MCPH1: variants seen among roughly 807,000 people sequenced by gnomAD.
MCPH1 encodes microcephalin 1, also known as microcephalin.
MCPH1 carries 104 observed loss-of-function variants against 84.5 expected under a neutral mutation model. The ratio of observed to expected loss-of-function variants is 1.23; its 90% CI spans 1.05 to 1.45. The LOEUF is 1.45. Ranked by LOEUF, MCPH1 falls within the 40% of genes most tolerant of loss-of-function variation. The pLI is 0.00. For missense variants in MCPH1, 1,498 were observed against 1,005.7 expected (o/e 1.49, Z -6.62); for synonymous variants, 514 against 366.8 (o/e 1.40, Z -4.58).
intron 9 of MCPH1, chr8:6,474,257 C>T (rs1808143995): frequency 3.4e-6 from 2 of 580,266 alleles, no homozygotes; most frequent in Admixed American, 2.6e-5. Flanking sequence ...AGCTAAATCA[C>T]CCACATTAAT....
Position 6,630,327 on chromosome 8 carries a change from G to A in MCPH1, c.2452+8636G>A, listed in dbSNP as rs570810516. 7.4e-4 allele frequency among the ~76,000 whole-genome samples: 113 copies of A among 152,256 alleles called. 1 individual carries two copies. Among genetic ancestry groups the A allele is most frequent in the African/African-American group, 2.5e-3 (102 of 41,544 alleles). On this transcript the variant is annotated intron_variant, in intron 13 of 13. Transcript: ENST00000344683. ...AATTGGAGCTGTCACTGCAGTTATCGTAAGGATATTTTAAAATCATAAGAG... is the reference window on the plus strand; with the variant it reads ...AATTGGAGCTGTCACTGCAGTTATCATAAGGATATTTTAAAATCATAAGAG...
At chr8:6,426,487 T>C (rs1801078864) in intron 3 of MCPH1, among the ~76,000 whole-genome samples, 1 of 152,264 alleles carries the variant, frequency 6.6e-6, no homozygotes, top group African/African-American at 2.4e-5. Flanking sequence ...GGTGATGTTT[T>C]TGCGATCTGT....
chr8:6,441,754 A>G (rs752607555), intron 6 of MCPH1, among the ~76,000 whole-genome samples: 1 of 152,200 alleles, frequency 6.6e-6, no homozygotes, highest in Non-Finnish European at 1.5e-5. Flanking sequence ...GACATTACCA[A>G]ATATCTGCTG....
chr8:6,514,419 C>G (rs1432379713), intron 12 of MCPH1, among the ~76,000 whole-genome samples: 1 of 152,108 alleles, frequency 6.6e-6, no homozygotes, highest in African/African-American at 2.4e-5. Context: ...AAACTCCTGA[C>G]CTCAGGTAAT....
chr8:6,566,275 A>C (rs1223145559), intron 12 of MCPH1, among the ~76,000 whole-genome samples: 2 of 152,356 alleles, frequency 1.3e-5, no homozygotes, highest in African/African-American at 4.8e-5. Context: ...CTGAGAGCCT[A>C]GGTGGTCTGT....
At chr8:6,624,905 C>G in intron 13 of MCPH1, 1 of 950,754 alleles carries the variant, frequency 1.1e-6, no homozygotes. Flanking sequence ...GATGGAGTCT[C>G]GCTGTGTCAC....
chr8:6,562,897 A>G, intron 12 of MCPH1: 1 of 1,607,424 alleles, frequency 6.2e-7, no homozygotes. Flanking sequence ...GGCCAAGACA[A>G]GATCACAGCT....
chr8:6,423,759 G>T (rs192075170), intron 3 of MCPH1, among the ~76,000 whole-genome samples: 1 of 152,246 alleles, frequency 6.6e-6, no homozygotes, highest in East Asian at 1.9e-4. Context: ...TATGATAGAT[G>T]CTGCCAAATT....
chr8:6,573,325 T>A (rs141667800), intron 12 of MCPH1, among the ~76,000 whole-genome samples: 1 of 152,040 alleles, frequency 6.6e-6, no homozygotes, highest in Non-Finnish European at 1.5e-5. Context: ...TTAGATATTA[T>A]AGTGGCCTGT....
chr8:6,590,177 G>A (rs955250595), intron 12 of MCPH1, among the ~76,000 whole-genome samples: 2 of 148,358 alleles, frequency 1.3e-5, no homozygotes, highest in Admixed American at 1.4e-4. Flanking sequence ...CAAGAGCATG[G>A]AAGAGTGTTA....
chr8:6,503,400 T>A (rs1812593285), intron 12 of MCPH1: 1 of 792,528 alleles, frequency 1.3e-6, no homozygotes, highest in Non-Finnish European at 2.0e-6. Context: ...GAGTATAGGA[T>A]GTGCACTGGC....
At chr8:6,591,071 T>C (rs1828416981) in intron 12 of MCPH1, among the ~76,000 whole-genome samples, 1 of 152,208 alleles carries the variant, frequency 6.6e-6, no homozygotes, top group South Asian at 2.1e-4. Flanking sequence ...GTTAATTGTG[T>C]ATTTTTAGTA....
intron 9 of MCPH1, among the ~76,000 whole-genome samples, chr8:6,476,993 G>C (rs1003814459): frequency 6.6e-6 from 1 of 151,980 alleles, no homozygotes; most frequent in Non-Finnish European, 1.5e-5. Context: ...TATTTCTATA[G>C]CATTTAAATT....
At position 6,445,746 on chromosome 8, in the gene MCPH1, T is replaced by TA. The variant is rs1804259525; in HGVS notation, c.1825+200dup. ...TGCTGTCTTGTGGAACTTCTAGACT[T>TA]ATTGGTTAAGTCTGTTAGGAATCTA... On this transcript the variant is annotated intron_variant, in intron 8 of 13. Coordinates refer to ENST00000344683, the MANE Select transcript of MCPH1 (RefSeq NM_024596.5). 5.1e-6 allele frequency: 7 copies of TA among 1,378,750 alleles called. No homozygotes were observed. The East Asian group carries it at 1.9e-4, about 37-fold the overall frequency. The allele number at this position is 1,378,750 out of a possible 1,614,324, so 85.4% of individuals were successfully genotyped here. A position where few individuals can be genotyped will look rare whatever the true frequency, so the allele number is the denominator to read the frequency against.
At chr8:6,490,685 G>C (rs983802062) in intron 11 of MCPH1, among the ~76,000 whole-genome samples, 2 of 152,102 alleles carry the variant, frequency 1.3e-5, no homozygotes, top group Non-Finnish European at 2.9e-5. Context: ...AATTTCCAAT[G>C]AATTGAATAG....
intron 12 of MCPH1, among the ~76,000 whole-genome samples, chr8:6,541,056 C>T (rs1407192007): frequency 2.6e-5 from 4 of 152,148 alleles, no homozygotes; most frequent in South Asian, 2.1e-4. Flanking sequence ...ATGGGTGTCC[C>T]GAGGCAGCTT....
chr8:6,473,962 C>T lies in MCPH1; in HGVS notation c.1936-3632C>T, dbSNP rs984508194. ...GCACAACTTCTTCCTTGTAGGATGC[C>T]GTGGCTTCTTCATAAAGAACTTGGA... On this transcript the variant is annotated intron_variant, in intron 9 of 13. Coordinates refer to ENST00000344683, the MANE Select transcript of MCPH1 (RefSeq NM_024596.5). 7.3e-5 allele frequency: 92 copies of T among 1,264,834 alleles called. 1 individual carries two copies. The highest frequency in any genetic ancestry group is 5.8e-4 in the Middle Eastern group (3 of 5,206). 78.4% of individuals were successfully genotyped at this position (1,264,834 alleles called of 1,614,324 possible). A position where few individuals can be genotyped will look rare whatever the true frequency, so the allele number is the denominator to read the frequency against.
intron 9 of MCPH1, among the ~76,000 whole-genome samples, chr8:6,471,589 T>TAA (rs1807720028): frequency 6.6e-6 from 1 of 152,196 alleles, no homozygotes; most frequent in South Asian, 2.1e-4. Flanking sequence ...AACAATACTG[T>TAA]AAACAAAAGC....
Position 6,534,527 on chromosome 8 carries a change from C to T in MCPH1, c.2214+34598C>T, listed in dbSNP as rs150841720. 2.0e-3 allele frequency among the ~76,000 whole-genome samples: 303 copies of T among 152,242 alleles called. 1 individual carries two copies. Among genetic ancestry groups the T allele is most frequent in the African/African-American group, 6.7e-3 (280 of 41,526 alleles). On this transcript the variant is annotated intron_variant, in intron 12 of 13. Coordinates refer to ENST00000344683, the MANE Select transcript of MCPH1 (RefSeq NM_024596.5). Reference sequence around the variant, plus strand: ...CAAGCCATCCACCCGCCTCAGCCCCCCAAAGTGCTGGGACTACGAGCGTGA... The same window carrying T: ...CAAGCCATCCACCCGCCTCAGCCCCTCAAAGTGCTGGGACTACGAGCGTGA...
Sources: allele counts gnomAD v4.1 joint callset (sites outside exome capture counted in the v4.1 genomes callset), GRCh38; gene constraint gnomAD v4.1.1; transcripts MANE v1.5; gene names NCBI Gene and HGNC (gene_info 2026-07-23, HGNC 2026-07-21).